The following RBPMS2 variants were observed in gnomAD, a reference collection of about 807,000 sequenced individuals.
RBPMS2 encodes RNA binding protein, mRNA processing factor 2, also known as RNA-binding protein with multiple splicing 2.
RBPMS2 carries 14 observed loss-of-function variants against 25.7 expected under a neutral mutation model. The ratio of observed to expected loss-of-function variants is 0.55; its 90% CI spans 0.36 to 0.85. The LOEUF is 0.85. RBPMS2 is among the 40% of genes least tolerant of loss of function. The probability of loss-of-function intolerance (pLI) is 0.01; values close to 1 mark genes in which losing one functional copy is unlikely to be tolerated. For missense variants in RBPMS2, 252 were observed against 283.4 expected (o/e 0.89, Z 0.80); for synonymous variants, 127 against 115.6 (o/e 1.10, Z -0.63).
At chr15:64,750,258 G>C in intron 3 of RBPMS2, 85 bp downstream of exon 3, 1 of 1,202,830 alleles carries the variant, frequency 8.3e-7, no homozygotes, top group Non-Finnish European at 1.2e-6. Context: ...GATGCCTCTA[G>C]ATTAGGGAAG....
At chr15:64,757,814 C>CT (rs1032870441) in intron 1 of RBPMS2, among the ~76,000 whole-genome samples, 4 of 151,356 alleles carry the variant, frequency 2.6e-5, no homozygotes, top group Non-Finnish European at 4.4e-5. Context: ...GCCCTATCCC[C>CT]CCCCACAAAA....
chr15:64,750,381 C>T lies in RBPMS2; in HGVS notation c.166G>A (p.Gly56Arg), dbSNP rs2083665256. 6.2e-7 allele frequency: 1 copy of T among 1,613,806 alleles called. No individual in the cohort carries two copies. The highest frequency in any genetic ancestry group is 8.5e-7 in the Non-Finnish European group (1 of 1,179,686). The change falls in exon 3 of 8, where the codon GGG becomes AGG. Residue 56 changes from glycine (G) to arginine (R), a missense_variant and splice_region_variant. Gly to Arg is a moderately radical substitution (Grantham distance 125). Coordinates refer to ENST00000300069, the MANE Select transcript of RBPMS2 (RefSeq NM_194272.3). ...ELYLLFRPFKGYEGSLIKLTA... is the reference protein window; with the variant it reads ...ELYLLFRPFKRYEGSLIKLTA... The stretch of plus-strand genomic sequence containing the variant: ...AGCTTGATCAGGGACCCTTCATACC[C>T]CTGCGGAGAGAGGTGGCTGTTACCG...
At position 64,741,168 on chromosome 15, in the gene RBPMS2, C is replaced by G; in HGVS notation, c.*7+5G>C. 1 of 1,569,582 alleles carries G rather than the reference C, an allele frequency of 6.4e-7. No individual in the cohort carries two copies. Among genetic ancestry groups the G allele is most frequent in the South Asian group, 1.2e-5 (1 of 85,258 alleles). The stretch of plus-strand genomic sequence containing the variant: ...TTGTCCTGGGCCTCTGGGGCCAACA[C>G]TTACTGAAAAACTAACAGAACTGAC... On this transcript the variant is annotated splice_donor_5th_base_variant and intron_variant, in intron 7 of 7. Coordinates refer to ENST00000300069, the MANE Select transcript of RBPMS2 (RefSeq NM_194272.3).
intron 1 of RBPMS2, among the ~76,000 whole-genome samples, chr15:64,762,853 T>C (rs1015435110): frequency 8.5e-5 from 13 of 152,090 alleles, no homozygotes; most frequent in African/African-American, 3.1e-4. Flanking sequence ...AGTGACTCCT[T>C]CTGCACACAA....
chr15:64,759,572 A>C (rs1441406561), intron 1 of RBPMS2, among the ~76,000 whole-genome samples: 5 of 152,234 alleles, frequency 3.3e-5, no homozygotes, highest in Admixed American at 3.3e-4. Flanking sequence ...AGAAAAGACC[A>C]AATTAAACAA....
In RBPMS2 at chr15:64,751,587, G is replaced by C; in HGVS notation, c.139C>G (p.Leu47Val). ...TTGAACGGCCGGAAGAGCAAGTAGA[G>C]TTCTCTGGGTTTAATGTCCACAGGG... is the stretch of plus-strand genomic sequence containing the variant. ...GLPVDIKPRELYLLFRPFKGY... is the reference protein window; with the variant it reads ...GLPVDIKPREVYLLFRPFKGY... Residue 47 changes from leucine to valine, a missense_variant, in exon 2 of 8, where the codon CTC becomes GTC. Physicochemically the swap from Leu to Val is conservative, Grantham distance 32 (BLOSUM62 1). Transcript: ENST00000300069. 1 of 1,614,052 alleles carries C rather than the reference G, an allele frequency of 6.2e-7. No individual in the cohort carries two copies. Among genetic ancestry groups the C allele is most frequent in the Non-Finnish European group, 8.5e-7 (1 of 1,179,998 alleles).
intron 1 of RBPMS2, among the ~76,000 whole-genome samples, chr15:64,768,766 C>T (rs868380047): frequency 1.3e-5 from 2 of 150,140 alleles, no homozygotes; most frequent in Non-Finnish European, 3.0e-5. Context: ...CACTGCACTC[C>T]AGCCTGGGCA....
intron 1 of RBPMS2, among the ~76,000 whole-genome samples, chr15:64,759,431 C>A (rs1037546637): frequency 1.3e-5 from 2 of 152,154 alleles, no homozygotes; most frequent in African/African-American, 4.8e-5. Flanking sequence ...ACAGCCCTCT[C>A]CAGCCTAGAG....
intron 1 of RBPMS2, among the ~76,000 whole-genome samples, chr15:64,754,673 A>G (rs1314892780): frequency 6.6e-6 from 1 of 151,112 alleles, no homozygotes; most frequent in African/African-American, 2.4e-5. Context: ...ACTGCACTCC[A>G]GCCTGAGCAA....
chr15:64,740,857 G>A lies in RBPMS2; in HGVS notation c.*151C>T, dbSNP rs925620692. On this transcript the variant is annotated 3_prime_UTR_variant, in exon 8 of 8. Transcript: ENST00000300069. ...TGAGGAAGAGGAGGGAGGGGAACAG[G>A]AAGCAGTCCACTGAGTCAGGCTTGG... The A allele has an allele frequency of 1.2e-5, 3 of 251,688 alleles. No individual in the cohort carries two copies. The highest frequency in any genetic ancestry group is 5.7e-5 in the South Asian group (1 of 17,698). The allele number at this position is 251,688 out of a possible 1,614,324, so 15.6% of individuals were successfully genotyped here. A position where few individuals can be genotyped will look rare whatever the true frequency, so the allele number is the denominator to read the frequency against.
At chr15:64,757,474 C>G (rs2083744121) in intron 1 of RBPMS2, among the ~76,000 whole-genome samples, 1 of 152,126 alleles carries the variant, frequency 6.6e-6, no homozygotes, top group African/African-American at 2.4e-5. Flanking sequence ...GTAGGATGTC[C>G]TAAGGTGGTC....
At chr15:64,741,964 G>C (rs893515265) in intron 6 of RBPMS2, among the ~76,000 whole-genome samples, 1 of 152,160 alleles carries the variant, frequency 6.6e-6, no homozygotes, top group African/African-American at 2.4e-5. Flanking sequence ...TTCAGAGTTC[G>C]AGACCAGCCT....
In RBPMS2 at chr15:64,749,043, G is replaced by A. The variant is rs147479047; in HGVS notation, c.375C>T (p.Asn125=). ...AGTGTGCTCCTAGGGCGGGGTGCAC[G>A]TTGCTGGGATTTGGAGTTGCCATTA... ...SKLMATPNPS[N]VHPALGAHFI... The change falls in exon 5 of 8, where the codon AAC becomes AAT. Residue 125 remains asparagine (N), a synonymous_variant. Coordinates refer to ENST00000300069, the MANE Select transcript of RBPMS2 (RefSeq NM_194272.3). The A allele has an allele frequency of 5.0e-6, 8 of 1,614,192 alleles. No homozygotes were observed. The highest frequency in any genetic ancestry group is 6.8e-6 in the Non-Finnish European group (8 of 1,180,032).
chr15:64,775,326 G>T lies in RBPMS2; in HGVS notation c.-7C>A. 2 of 1,294,034 alleles carry T rather than the reference G, an allele frequency of 1.5e-6. No individual in the cohort carries two copies. The highest frequency in any genetic ancestry group is 2.0e-6 in the Non-Finnish European group (2 of 1,015,578). The allele number at this position is 1,294,034 out of a possible 1,614,324, so 80.2% of individuals were successfully genotyped here. A position where few individuals can be genotyped will look rare whatever the true frequency, so the allele number is the denominator to read the frequency against. ...CCGGCTTCAGGTTGCTCATGGTGCG[G>T]GGGAGGGGGCGGCGGGAAGGAACGC... is the stretch of plus-strand genomic sequence containing the variant. On this transcript the variant is annotated 5_prime_UTR_variant, in exon 1 of 8. Coordinates refer to ENST00000300069, the MANE Select transcript of RBPMS2 (RefSeq NM_194272.3).
At chr15:64,757,003 C>T (rs1240499574) in intron 1 of RBPMS2, among the ~76,000 whole-genome samples, 1 of 132,088 alleles carries the variant, frequency 7.6e-6, no homozygotes, top group Non-Finnish European at 1.6e-5. Context: ...AATGGAGTCT[C>T]GGTCTGTCTC....
At chr15:64,751,512 T>A in intron 2 of RBPMS2, 49 bp downstream of exon 2, 1 of 1,526,318 alleles carries the variant, frequency 6.6e-7, no homozygotes, top group East Asian at 2.3e-5. Flanking sequence ...TCCCGCTGCT[T>A]CTCCAGGGTC....
chr15:64,748,088 G>A (rs2083635444), intron 6 of RBPMS2, among the ~76,000 whole-genome samples: 1 of 152,166 alleles, frequency 6.6e-6, no homozygotes, highest in Admixed American at 6.5e-5. Context: ...TGACTCCAGA[G>A]ACCATACCCA....
intron 1 of RBPMS2, among the ~76,000 whole-genome samples, chr15:64,764,924 A>C (rs2141074455): frequency 7.1e-6 from 1 of 140,076 alleles, no homozygotes; most frequent in East Asian, 2.2e-4. Flanking sequence ...CCGTCTCAAA[A>C]AAAAAAAAAA....
At chr15:64,748,688 C>T (rs1052360557) in intron 5 of RBPMS2, 121 bp from the exon 6 acceptor site, 1 of 1,219,278 alleles carries the variant, frequency 8.2e-7, no homozygotes, top group Non-Finnish European at 1.1e-6. Context: ...CACCCCCAAC[C>T]ACAGAGGACC....
Sources: gnomAD v4.1 joint callset for allele counts (sites outside exome capture counted in the v4.1 genomes callset) on GRCh38, gnomAD v4.1.1 for gene constraint, MANE v1.5 for transcripts, NCBI Gene and HGNC (gene_info 2026-07-23, HGNC 2026-07-21) for gene names.